CPEB3: variants seen among roughly 807,000 people sequenced by gnomAD.
CPEB3 encodes the protein cytoplasmic polyadenylation element-binding protein 3.
In CPEB3, 20 loss-of-function variants were observed where a neutral mutation model predicts 67.2. The observed-to-expected ratio is 0.30, with a 90% CI of 0.21 to 0.43. The LOEUF is 0.43. Ranked by LOEUF, CPEB3 falls within the 20% of genes least tolerant of loss-of-function variation. The probability of loss-of-function intolerance (pLI) is 1.00; values close to 1 mark genes in which losing one functional copy is unlikely to be tolerated. For missense variants in CPEB3, 746 were observed against 968.6 expected, an observed-to-expected ratio of 0.77 and a Z score of 3.05; for synonymous variants, 376 against 393.1, an observed-to-expected ratio of 0.96 and a Z score of 0.51.
chr10:92,103,007 T>C (rs1844266183), intron 7 of CPEB3, among the ~76,000 whole-genome samples: 1 of 152,224 alleles, frequency 6.6e-6, no homozygotes, highest in Admixed American at 6.5e-5. Context: ...GAGTGCTCTG[T>C]GCACGTTTGG....
chr10:92,151,529 G>T (rs1472111480), intron 4 of CPEB3, among the ~76,000 whole-genome samples: 3 of 152,120 alleles, frequency 2.0e-5, no homozygotes, highest in African/African-American at 7.2e-5. Flanking sequence ...TAGATGGCAG[G>T]ATTTCAGATC....
At chr10:92,141,705 T>A (rs1846431279) in intron 6 of CPEB3, among the ~76,000 whole-genome samples, 1 of 149,286 alleles carries the variant, frequency 6.7e-6, no homozygotes, top group Non-Finnish European at 1.5e-5. Context: ...TTATAATAAA[T>A]AATTGATAAG....
intron 1 of CPEB3, among the ~76,000 whole-genome samples, chr10:92,282,349 A>G (rs1842335029): frequency 1.3e-5 from 2 of 152,246 alleles, no homozygotes; most frequent in Admixed American, 6.5e-5. Context: ...CTCTATAAGT[A>G]GCAAGTGAAG....
chr10:92,072,366 A>G (rs766072924), intron 9 of CPEB3, among the ~76,000 whole-genome samples: 15 of 152,184 alleles, frequency 9.9e-5, no homozygotes, highest in Non-Finnish European at 1.9e-4. Context: ...AAAGGAAAAA[A>G]AAAAGAGCCA....
At chr10:92,275,520 T>G (rs1841937579) in intron 1 of CPEB3, among the ~76,000 whole-genome samples, 1 of 152,222 alleles carries the variant, frequency 6.6e-6, no homozygotes, top group Non-Finnish European at 1.5e-5. Context: ...TCTGGTGTTA[T>G]TATTAAATAA....
chr10:92,196,094 G>C (rs10882029), intron 2 of CPEB3, among the ~76,000 whole-genome samples: 1 of 151,994 alleles, frequency 6.6e-6, no homozygotes, highest in South Asian at 2.1e-4. Flanking sequence ...ATGTAGAGCC[G>C]ATTAAAACAT....
At chr10:92,282,309 G>C (rs1485893579) in intron 1 of CPEB3, among the ~76,000 whole-genome samples, 2 of 152,194 alleles carry the variant, frequency 1.3e-5, no homozygotes, top group Non-Finnish European at 2.9e-5. Context: ...TATTCTCTGG[G>C]TAGCAAATGA....
At chr10:92,190,454 T>C (rs753255366) in intron 3 of CPEB3, among the ~76,000 whole-genome samples, 1 of 151,214 alleles carries the variant, frequency 6.6e-6, no homozygotes. Flanking sequence ...TCACCTAAGG[T>C]CAGGAGTTTG....
rs59272265 is a variant in CPEB3 at position 92,228,718 on chromosome 10, A to AT, written c.1005+10627dup. On this transcript the variant is annotated intron_variant, in intron 2 of 9. Coordinates refer to ENST00000265997, the MANE Select transcript of CPEB3 (RefSeq NM_014912.5). ...TTGTCGAATTTATATATATATATAC[A>AT]TTTTTTTTTTTTTGAGACAGTGGCT... Among the ~76,000 whole-genome samples, 1,151 of 144,200 alleles carry AT rather than the reference A, an allele frequency of 8.0e-3. 12 individuals carry two copies. Among genetic ancestry groups the AT allele is most frequent in the African/African-American group, 0.021 (827 of 39,292 alleles). The allele number at this position is 144,200 out of a possible 152,430, so 94.6% of individuals were successfully genotyped here.
At chr10:92,060,940 C>T (rs371708397) in intron 9 of CPEB3, among the ~76,000 whole-genome samples, 30 of 152,170 alleles carry the variant, frequency 2.0e-4, no homozygotes, top group Admixed American at 9.2e-4. Context: ...ACAACCACCA[C>T]GGAGAACAGT....
At chr10:92,208,101 A>G (rs1194799114) in intron 2 of CPEB3, among the ~76,000 whole-genome samples, 2 of 152,222 alleles carry the variant, frequency 1.3e-5, no homozygotes, top group Non-Finnish European at 1.5e-5. Context: ...AATATGTGGG[A>G]AAAATGCTTT....
Position 92,220,579 on chromosome 10 carries a change from TA to T in CPEB3, c.1005+18766del, listed in dbSNP as rs540480746. Among the ~76,000 whole-genome samples the T allele has an allele frequency of 3.4e-3, 454 of 134,272 alleles. 2 individuals carry two copies. Among genetic ancestry groups the T allele is most frequent in the Admixed American group, 4.1e-3 (55 of 13,308 alleles). 88.1% of individuals were successfully genotyped at this position (134,272 alleles called of 152,430 possible). ...AAACCTACACCTTAAACTGCCATGT[TA>T]AAAAAAAAAAAAAACCTCCTTCCAA... On this transcript the variant is annotated intron_variant, in intron 2 of 9. Coordinates refer to ENST00000265997, the MANE Select transcript of CPEB3 (RefSeq NM_014912.5).
At chr10:92,085,985 A>C (rs1380473275) in intron 8 of CPEB3, among the ~76,000 whole-genome samples, 1 of 152,116 alleles carries the variant, frequency 6.6e-6, no homozygotes, top group Non-Finnish European at 1.5e-5. Context: ...CTCCTTCTTC[A>C]TGGGTTCACC....
chr10:92,240,197 C>A lies in CPEB3; in HGVS notation c.154G>T (p.Ala52Ser), dbSNP rs1851773546. The A allele has an allele frequency of 2.6e-6, 4 of 1,517,788 alleles. No individual in the cohort carries two copies. Among genetic ancestry groups the A allele is most frequent in the Non-Finnish European group, 3.5e-6 (4 of 1,130,492 alleles). 94.0% of individuals were successfully genotyped at this position (1,517,788 alleles called of 1,614,324 possible). The change falls in exon 2 of 10, where the codon GCA (alanine) becomes TCA (serine). Residue 52 changes from alanine (A) to serine (S), a missense_variant. Coordinates refer to ENST00000265997, the MANE Select transcript of CPEB3 (RefSeq NM_014912.5). Reference sequence around the variant, plus strand: ...GCGGCTGGGCTGAGGGCCGGCACTGCGCTGTTTTCCTCCGGCTTGGGGGTC... The same window carrying A: ...GCGGCTGGGCTGAGGGCCGGCACTGAGCTGTTTTCCTCCGGCTTGGGGGTC... ...SETPKPEENS[A>S]VPALSPAAAP...
chr10:92,280,755 T>TC (rs1842253665), intron 1 of CPEB3, among the ~76,000 whole-genome samples: 1 of 135,410 alleles, frequency 7.4e-6, no homozygotes, highest in Non-Finnish European at 1.6e-5. Flanking sequence ...CATCTATTCT[T>TC]TTTTTTTTTT....
At chr10:92,196,760 C>G (rs949602251) in intron 2 of CPEB3, among the ~76,000 whole-genome samples, 1 of 146,588 alleles carries the variant, frequency 6.8e-6, no homozygotes. Flanking sequence ...GAGCAAGACT[C>G]CGTCTCAAAA....
intron 6 of CPEB3, among the ~76,000 whole-genome samples, chr10:92,126,216 C>T (rs116800479): frequency 0.016 from 2,413 of 152,214 alleles, 61 homozygotes; most frequent in African/African-American, 0.056. Context: ...TTAGTAACTT[C>T]CACTGTTCAA....
At chr10:92,265,790 CTTT>C (rs761530938) in intron 1 of CPEB3, among the ~76,000 whole-genome samples, 1 of 138,390 alleles carries the variant, frequency 7.2e-6, no homozygotes, top group Admixed American at 7.3e-5. Flanking sequence ...AAAAAGTTTT[CTTT>C]TTTTTTTTTT....
upstream of CPEB3, chr10:92,291,208 C>A (rs1590637245): frequency 1.2e-5 from 6 of 515,678 alleles, no homozygotes; most frequent in East Asian, 2.2e-4. Context: ...AACTCGGCGC[C>A]CGCGGTCCAT....
Sources: gnomAD v4.1 joint callset for allele counts (sites outside exome capture counted in the v4.1 genomes callset) on GRCh38, gnomAD v4.1.1 for gene constraint, MANE v1.5 for transcripts, NCBI Gene and HGNC (gene_info 2026-07-23, HGNC 2026-07-21) for gene names.